Variants in EXT1 observed in about 807,000 individuals in gnomAD.
EXT1 encodes the protein exostosin-1.
In EXT1, 20 loss-of-function variants were observed where a neutral mutation model predicts 82.5. The observed-to-expected ratio is 0.24, with a 90% CI of 0.17 to 0.35. EXT1 has a LOEUF of 0.35. EXT1 is among the 10% of genes least tolerant of loss of function. EXT1 has a pLI of 1.00. For synonymous variants in EXT1, 348 were observed against 350.8 expected (o/e 0.99, Z 0.09); for missense variants, 757 against 936.5 (o/e 0.81, Z 2.50).
intron 7 of EXT1, among the ~76,000 whole-genome samples, chr8:117,816,888 C>CA (rs1285055261): frequency 6.6e-6 from 1 of 152,136 alleles, no homozygotes; most frequent in Non-Finnish European, 1.5e-5. Context: ...GCATACAAAA[C>CA]AAAGAATCCC....
intron 2 of EXT1, among the ~76,000 whole-genome samples, chr8:117,836,262 A>T (rs1412986831): frequency 6.6e-6 from 1 of 152,226 alleles, no homozygotes; most frequent in African/African-American, 2.4e-5. Flanking sequence ...GGCTACAAGA[A>T]CATTAGTGAT....
Position 117,979,681 on chromosome 8 carries a change from G to A in EXT1, c.962+130404C>T, listed in dbSNP as rs553730703. 6.6e-5 allele frequency among the ~76,000 whole-genome samples: 10 copies of A among 152,178 alleles called. No homozygotes were observed. The East Asian group carries it at 1.5e-3, about 24-fold the overall frequency. On this transcript the variant is annotated intron_variant, in intron 1 of 10. Coordinates refer to ENST00000378204, the MANE Select transcript of EXT1 (RefSeq NM_000127.3). ...GCAAAACACCATTTATCCTAGATGC[G>A]TAATCTCCACAACAAAATGTTCTAC...
At chr8:117,904,482 A>G (rs1325252810) in intron 1 of EXT1, among the ~76,000 whole-genome samples, 1 of 152,248 alleles carries the variant, frequency 6.6e-6, no homozygotes, top group Non-Finnish European at 1.5e-5. Flanking sequence ...CTTTATGTGT[A>G]AAATGAGAAT....
intron 1 of EXT1, among the ~76,000 whole-genome samples, chr8:118,083,609 A>G (rs1329022673): frequency 2.0e-5 from 3 of 152,216 alleles, no homozygotes; most frequent in African/African-American, 4.8e-5. Context: ...CTAAGACGCC[A>G]CACCCTTTCT....
At position 117,814,015 on chromosome 8, in the gene EXT1, A is replaced by C. The variant is rs547140060; in HGVS notation, c.1633-1054T>G. Among the ~76,000 whole-genome samples, 15 of 152,038 alleles carry C rather than the reference A, an allele frequency of 9.9e-5. No individual in the cohort carries two copies. The South Asian group carries it at 3.1e-3, about 32-fold the overall frequency. On this transcript the variant is annotated intron_variant, in intron 7 of 10. Coordinates refer to ENST00000378204, the MANE Select transcript of EXT1 (RefSeq NM_000127.3). Reference sequence around the variant, plus strand: ...AGTGAGACTCTGTCTCAAAAACAAAAAAAGAGAAGAAGAAGAAGAAGAAAG... The same window carrying C: ...AGTGAGACTCTGTCTCAAAAACAAACAAAGAGAAGAAGAAGAAGAAGAAAG...
chr8:117,833,343 G>A (rs570456670), intron 3 of EXT1, among the ~76,000 whole-genome samples: 3 of 152,296 alleles, frequency 2.0e-5, no homozygotes, highest in South Asian at 4.1e-4. Flanking sequence ...GTGGCTGGGC[G>A]CGCTGGCTCA....
intron 1 of EXT1, among the ~76,000 whole-genome samples, chr8:118,062,464 A>C (rs932199128): frequency 6.6e-6 from 1 of 152,190 alleles, no homozygotes; most frequent in Admixed American, 6.5e-5. Context: ...TTACGTGGAC[A>C]CTATTCCAAG....
At chr8:118,106,568 G>A (rs1027834445) in intron 1 of EXT1, among the ~76,000 whole-genome samples, 2 of 152,178 alleles carry the variant, frequency 1.3e-5, no homozygotes, top group African/African-American at 4.8e-5. Context: ...AATCTTGCCT[G>A]TTTCCAGAAA....
At chr8:118,003,298 A>G (rs756808696) in intron 1 of EXT1, among the ~76,000 whole-genome samples, 1 of 152,178 alleles carries the variant, frequency 6.6e-6, no homozygotes, top group Non-Finnish European at 1.5e-5. Flanking sequence ...CATTGGGTAT[A>G]GTTACACTGC....
At chr8:118,034,538 A>T (rs1816385644) in intron 1 of EXT1, among the ~76,000 whole-genome samples, 1 of 98,274 alleles carries the variant, frequency 1.0e-5, no homozygotes, top group Admixed American at 1.0e-4. Flanking sequence ...CCTGACAATG[A>T]TGGAAAAGCA....
In EXT1 at chr8:118,110,800, G is replaced by C. The variant is rs1249187315; in HGVS notation, c.247C>G (p.Arg83Gly). 1 of 1,613,066 alleles carries C rather than the reference G, an allele frequency of 6.2e-7. No homozygotes were observed. Among genetic ancestry groups the C allele is most frequent in the Non-Finnish European group, 8.5e-7 (1 of 1,179,266 alleles). Residue 83 changes from arginine to glycine, a missense_variant, in exon 1 of 11, where the codon CGG becomes GGG. Coordinates refer to ENST00000378204, the MANE Select transcript of EXT1 (RefSeq NM_000127.3). The stretch of plus-strand genomic sequence containing the variant: ...CTGGAGTTGGCATCTCGCTTCTGCC[G>C]GGGGGAAATGTGCACGCTGGAATCC... ...NEDSSVHISP[R>G]QKRDANSSIY... is the part of the protein sequence containing the mutation.
At chr8:117,901,303 G>A (rs934461995) in intron 1 of EXT1, among the ~76,000 whole-genome samples, 4 of 152,204 alleles carry the variant, frequency 2.6e-5, no homozygotes, top group Non-Finnish European at 5.9e-5. Context: ...ACTATGGGCA[G>A]TTGTAACACC....
At position 118,111,679 on chromosome 8, in the gene EXT1, G is replaced by T. The variant is rs1391845790; in HGVS notation, c.-633C>A. 3 of 299,202 alleles carry T rather than the reference G, an allele frequency of 1.0e-5. No individual in the cohort carries two copies. In the Admixed American group the frequency reaches 1.6e-4, roughly 16 times the overall value. 18.5% of individuals were successfully genotyped at this position (299,202 alleles called of 1,614,324 possible). On this transcript the variant is annotated 5_prime_UTR_variant, in exon 1 of 11. Transcript: ENST00000378204. ...CGCTCGCGGGGCCGGCCCCCGGGAC[G>T]CGCGGCGGCCCGGCTGGAGGCGGCG... is the stretch of plus-strand genomic sequence containing the variant.
chr8:117,901,069 G>C (rs954556947), intron 1 of EXT1, among the ~76,000 whole-genome samples: 6 of 152,194 alleles, frequency 3.9e-5, no homozygotes, highest in Admixed American at 1.3e-4. Context: ...GAGATCTAGA[G>C]TATCAAATCC....
chr8:117,991,422 G>C (rs548743052), intron 1 of EXT1, among the ~76,000 whole-genome samples: 1 of 152,082 alleles, frequency 6.6e-6, no homozygotes, highest in African/African-American at 2.4e-5. Flanking sequence ...GGTGGTTCTC[G>C]TGTCCAGCCT....
At chr8:118,037,274 G>C (rs971692247) in intron 1 of EXT1, among the ~76,000 whole-genome samples, 3 of 152,082 alleles carry the variant, frequency 2.0e-5, no homozygotes, top group Non-Finnish European at 4.4e-5. Context: ...GTGGGAGGGG[G>C]ATGTACGTGT....
intron 1 of EXT1, among the ~76,000 whole-genome samples, chr8:118,025,344 T>C (rs1281358305): frequency 1.3e-5 from 2 of 152,106 alleles, no homozygotes; most frequent in Admixed American, 6.6e-5. Context: ...GCCAAAGACC[T>C]GGAGAGCCAA....
chr8:117,998,807 TGAAAGA>T (rs1374078141), intron 1 of EXT1, among the ~76,000 whole-genome samples: 1 of 152,158 alleles, frequency 6.6e-6, no homozygotes, highest in Non-Finnish European at 1.5e-5. Flanking sequence ...TTGGTAAAAC[TGAAAGA>T]GAAAGATTAC....
At chr8:117,972,007 G>A (rs1357968261) in intron 1 of EXT1, among the ~76,000 whole-genome samples, 3 of 152,004 alleles carry the variant, frequency 2.0e-5, no homozygotes, top group Non-Finnish European at 4.4e-5. Flanking sequence ...AAAATTAGCC[G>A]AGCGTGGTGG....
Sources: gnomAD v4.1 joint callset for allele counts (sites outside exome capture counted in the v4.1 genomes callset) on GRCh38, gnomAD v4.1.1 for gene constraint, MANE v1.5 for transcripts, NCBI Gene and HGNC (gene_info 2026-07-23, HGNC 2026-07-21) for gene names.